Variants in ALOX5 observed in about 807,000 individuals in gnomAD.
ALOX5 encodes arachidonate 5-lipoxygenase.
ALOX5 carries 64 observed loss-of-function variants against 87.9 expected under a neutral mutation model. The observed-to-expected ratio is 0.73, with a 90% CI of 0.60 to 0.90. The LOEUF is 0.90. Among genes scored for constraint, ALOX5 ranks in the 40% least tolerant of loss-of-function variants. The pLI is 0.00. For missense variants in ALOX5, 822 were observed against 907.5 expected, an observed-to-expected ratio of 0.91 and a Z score of 1.21; for synonymous variants, 388 against 355.1, an observed-to-expected ratio of 1.09 and a Z score of -1.04.
intron 1 of ALOX5, among the ~76,000 whole-genome samples, chr10:45,375,331 G>C (rs992593755): frequency 9.2e-5 from 14 of 152,252 alleles, no homozygotes; most frequent in African/African-American, 3.1e-4. Flanking sequence ...GCATGGGCAG[G>C]TCGCAGTTCT....
At chr10:45,428,877 G>A in intron 7 of ALOX5, 113 bp downstream of exon 7, 1 of 1,403,660 alleles carries the variant, frequency 7.1e-7, no homozygotes. Context: ...AAAGACACTA[G>A]GGCTTCCTGC....
At chr10:45,396,205 A>C (rs1453648623) in intron 3 of ALOX5, among the ~76,000 whole-genome samples, 1 of 152,212 alleles carries the variant, frequency 6.6e-6, no homozygotes, top group Non-Finnish European at 1.5e-5. Context: ...AGTGTACCTT[A>C]ATGTTCTCCA....
At chr10:45,394,050 A>G (rs1019886543) in intron 2 of ALOX5, among the ~76,000 whole-genome samples, 3 of 152,232 alleles carry the variant, frequency 2.0e-5, no homozygotes, top group Admixed American at 1.3e-4. Flanking sequence ...TATAGATTCA[A>G]TGTCATCCCC....
At chr10:45,420,052 C>T (rs1489971717) in intron 4 of ALOX5, among the ~76,000 whole-genome samples, 1 of 152,170 alleles carries the variant, frequency 6.6e-6, no homozygotes, top group African/African-American at 2.4e-5. Flanking sequence ...CATTTGGCCC[C>T]AAGTCACCAA....
chr10:45,382,776 C>T, intron 2 of ALOX5, 95 bp downstream of exon 2: 1 of 1,428,298 alleles, frequency 7.0e-7, no homozygotes, highest in South Asian at 1.3e-5. Flanking sequence ...AATGACACTG[C>T]TGTGCAGGGG....
chr10:45,444,249 G>A lies in ALOX5; in HGVS notation c.1808G>A (p.Gly603Asp), dbSNP rs1348063140. 1.3e-6 allele frequency: 2 copies of A among 1,555,238 alleles called. No homozygotes were observed. Among genetic ancestry groups the A allele is most frequent in the Admixed American group, 2.0e-5 (1 of 51,266 alleles). The change falls in exon 13 of 14, where the codon GGT becomes GAT. Residue 603 changes from glycine (G) to aspartate (D), a missense_variant. Physicochemically the swap from Gly to Asp is moderately conservative, Grantham distance 94. Coordinates refer to ENST00000374391, the MANE Select transcript of ALOX5 (RefSeq NM_000698.5). ...PDRGRSCWHL[G>D]AVWALSQFQE... ...CGCGGCCGCTCCTGCTGGCATCTGG[G>A]TGCAGTGTGGGCGCTGAGCCAGTTC...
At chr10:45,440,401 A>G (rs1265269172) in intron 7 of ALOX5, 29 bp from the exon 8 acceptor site, 1 of 1,602,740 alleles carries the variant, frequency 6.2e-7, no homozygotes, top group Non-Finnish European at 8.5e-7. Flanking sequence ...GAAATATAGC[A>G]GTGTGTTTCC....
chr10:45,379,517 G>A (rs1038089030), intron 1 of ALOX5, among the ~76,000 whole-genome samples: 1 of 152,186 alleles, frequency 6.6e-6, no homozygotes, highest in Non-Finnish European at 1.5e-5. Context: ...GAGGTCACAG[G>A]TTCAGTTTCC....
At chr10:45,439,526 G>T (rs187568125) in intron 7 of ALOX5, among the ~76,000 whole-genome samples, 1 of 152,160 alleles carries the variant, frequency 6.6e-6, no homozygotes. Flanking sequence ...GCCGGCTCCC[G>T]TGAGAACTCA....
chr10:45,431,588 T>C (rs112172568), intron 7 of ALOX5, among the ~76,000 whole-genome samples: 1,560 of 150,438 alleles, frequency 0.01, 36 homozygotes, highest in African/African-American at 0.035. Flanking sequence ...TATTTATTTA[T>C]TTGAGATGGA....
At chr10:45,403,405 G>A (rs920665629) in intron 3 of ALOX5, among the ~76,000 whole-genome samples, 4 of 152,134 alleles carry the variant, frequency 2.6e-5, no homozygotes, top group African/African-American at 9.7e-5. Flanking sequence ...GTGTCATAGC[G>A]GAACCTTAAA....
chr10:45,407,922 G>A (rs1042012164), intron 3 of ALOX5, among the ~76,000 whole-genome samples: 3 of 152,162 alleles, frequency 2.0e-5, no homozygotes, highest in Non-Finnish European at 4.4e-5. Context: ...CCAAAAGGGG[G>A]AGGCAGGTTT....
Position 45,374,379 on chromosome 10 carries a change from G to T in ALOX5, c.100G>T (p.Glu34Ter). 4 of 1,558,620 alleles carry T rather than the reference G, an allele frequency of 2.6e-6. No individual in the cohort carries two copies. The highest frequency in any genetic ancestry group is 3.5e-6 in the Non-Finnish European group (4 of 1,156,406). Residue 34 changes from glutamate to a stop codon, truncating the protein, a stop_gained, in exon 1 of 14, where the codon GAG becomes TAG. Transcript: ENST00000374391. LOFTEE classifies it high-confidence loss of function. ...CCTCGTGGGCTCGGCGGGCTGCAGC[G>T]AGAAGCACCTGCTGGACAAGCCCTT... Reference protein sequence around the residue: ...LSLVGSAGCSEKHLLDKPFYN... With the variant: ...LSLVGSAGCS
chr10:45,444,374 G>C (rs778865694), intron 13 of ALOX5, 88 bp downstream of exon 13: 38 of 1,441,924 alleles, frequency 2.6e-5, no homozygotes, highest in Non-Finnish European at 3.5e-5. Flanking sequence ...CGGGCCCCAA[G>C]GCTCACTTGG....
chr10:45,393,266 G>A (rs145815934), intron 2 of ALOX5, among the ~76,000 whole-genome samples: 2,138 of 152,230 alleles, frequency 0.014, 19 homozygotes, highest in Non-Finnish European at 0.02. Flanking sequence ...GGATCAAGTG[G>A]GCATCATCCC....
At chr10:45,410,824 C>G (rs1435843190) in intron 3 of ALOX5, among the ~76,000 whole-genome samples, 1 of 152,200 alleles carries the variant, frequency 6.6e-6, no homozygotes, top group Non-Finnish European at 1.5e-5. Flanking sequence ...GGGTCCTGAT[C>G]CAGACCCCAA....
Position 45,443,166 on chromosome 10 carries a change from C to T in ALOX5, c.1401C>T (p.Pro467=). The stretch of plus-strand genomic sequence containing the variant: ...GCATGGAGAGCAAAGAAGACATCCC[C>T]TACTACTTCTACCGGGACGACGGGC... ...ARGMESKEDI[P]YYFYRDDGLL... Residue 467 remains proline, a synonymous_variant, in exon 10 of 14, where the codon CCC becomes CCT. Coordinates refer to ENST00000374391, the MANE Select transcript of ALOX5 (RefSeq NM_000698.5). The T allele has an allele frequency of 6.2e-7, 1 of 1,613,826 alleles. No individual in the cohort carries two copies. Among genetic ancestry groups the T allele is most frequent in the Non-Finnish European group, 8.5e-7 (1 of 1,179,984 alleles).
intron 3 of ALOX5, among the ~76,000 whole-genome samples, chr10:45,411,328 A>C (rs1370953889): frequency 1.3e-5 from 2 of 152,154 alleles, no homozygotes; most frequent in Non-Finnish European, 2.9e-5. Context: ...CCTGTGACTT[A>C]GAATGCCTAA....
At chr10:45,402,674 A>G (rs1313413758) in intron 3 of ALOX5, among the ~76,000 whole-genome samples, 1 of 152,232 alleles carries the variant, frequency 6.6e-6, no homozygotes, top group East Asian at 1.9e-4. Flanking sequence ...CACAAAGGAA[A>G]AGATTGGTAA....
Sources: allele counts gnomAD v4.1 joint callset (sites outside exome capture counted in the v4.1 genomes callset), GRCh38; gene constraint gnomAD v4.1.1; transcripts MANE v1.5; gene names NCBI Gene and HGNC (gene_info 2026-07-23, HGNC 2026-07-21).